SIK2: variants seen among roughly 807,000 people sequenced by gnomAD.
SIK2 encodes serine/threonine-protein kinase SIK2.
Under a neutral mutation model 103.2 loss-of-function variants are expected in SIK2, and 29 were observed. The ratio of observed to expected loss-of-function variants is 0.28; its 90% confidence interval spans 0.21 to 0.38. The LOEUF is 0.38. SIK2 is among the 10% of genes least tolerant of loss of function. The pLI is 1.00. For synonymous variants in SIK2, 412 were observed against 446.1 expected (o/e 0.92, Z 0.96); for missense variants, 879 against 1,171.0 (o/e 0.75, Z 3.64).
chr11:111,643,001 T>C (rs1220026154), intron 3 of SIK2, among the ~76,000 whole-genome samples: 1 of 152,192 alleles, frequency 6.6e-6, no homozygotes, highest in African/African-American at 2.4e-5. Context: ...TATAGCTCAG[T>C]TCAGATTTCA....
chr11:111,636,352 A>G lies in SIK2; in HGVS notation c.316+15950A>G, dbSNP rs141748450. 1.2e-4 allele frequency among the ~76,000 whole-genome samples: 19 copies of G among 152,330 alleles called. 1 individual carries two copies. Among genetic ancestry groups the G allele is most frequent in the African/African-American group, 4.6e-4 (19 of 41,582 alleles). On this transcript the variant is annotated intron_variant, in intron 3 of 14. Transcript: ENST00000304987. ...ATATGTGAATAGTCTAATTATTGCTACTGCTCCATTACCCACTTTTGTAAA... is the reference window on the plus strand; with the variant it reads ...ATATGTGAATAGTCTAATTATTGCTGCTGCTCCATTACCCACTTTTGTAAA...
intron 3 of SIK2, among the ~76,000 whole-genome samples, chr11:111,646,603 C>T (rs1229048270): frequency 6.6e-6 from 1 of 152,190 alleles, no homozygotes; most frequent in Non-Finnish European, 1.5e-5. Flanking sequence ...CCTGCCTGCT[C>T]CTTCTTATCC....
chr11:111,696,150 A>T (rs1943065772), intron 4 of SIK2, among the ~76,000 whole-genome samples: 1 of 152,224 alleles, frequency 6.6e-6, no homozygotes, highest in Non-Finnish European at 1.5e-5. Flanking sequence ...TAAATATTTC[A>T]GGCCATATAG....
At chr11:111,617,761 A>G (rs1418920579) in intron 2 of SIK2, among the ~76,000 whole-genome samples, 2 of 152,094 alleles carry the variant, frequency 1.3e-5, no homozygotes, top group South Asian at 2.1e-4. Context: ...TATAATGTAC[A>G]TAATATTTAT....
chr11:111,686,986 G>C (rs539547614), intron 3 of SIK2, among the ~76,000 whole-genome samples: 1 of 152,286 alleles, frequency 6.6e-6, no homozygotes, highest in East Asian at 1.9e-4. Context: ...CATGAAAACA[G>C]TGTTTCAGAA....
intron 4 of SIK2, among the ~76,000 whole-genome samples, chr11:111,690,689 C>T (rs978148733): frequency 7.3e-5 from 11 of 151,616 alleles, no homozygotes; most frequent in Admixed American, 5.9e-4. Flanking sequence ...TCAACTCCCA[C>T]TTATGAGTGA....
At chr11:111,712,521 A>G (rs1179466318) in intron 9 of SIK2, 146 bp downstream of exon 9, 3 of 817,896 alleles carry the variant, frequency 3.7e-6, no homozygotes, top group Non-Finnish European at 3.7e-6. Context: ...AAACCTTAGA[A>G]CAGTGTCCAG....
chr11:111,649,222 A>T (rs1331882010), intron 3 of SIK2, among the ~76,000 whole-genome samples: 1 of 152,056 alleles, frequency 6.6e-6, no homozygotes, highest in Admixed American at 6.6e-5. Context: ...TGATCCTTGC[A>T]CATATTCCAT....
At chr11:111,671,639 T>A (rs1942629526) in intron 3 of SIK2, 2 of 358,994 alleles carry the variant, frequency 5.6e-6, no homozygotes, top group Non-Finnish European at 1.1e-5. Flanking sequence ...GAGCAGCTGT[T>A]GTCCATGGAC....
chr11:111,674,070 TTA>T (rs1942665428), intron 3 of SIK2, among the ~76,000 whole-genome samples: 1 of 13,490 alleles, frequency 7.4e-5, no homozygotes, highest in Non-Finnish European at 5.5e-4. Flanking sequence ...CAAGACTCCA[TTA>T]AAAAAAAAAA....
Position 111,723,580 on chromosome 11 carries a change from C to T in SIK2, c.2232C>T (p.Tyr744=), listed in dbSNP as rs1943867806. ...FNQMQIAESS[Y]PQPSQQLPLP... ...AGATGCAGATAGCAGAGAGCTCCTA[C>T]CCACAGCCAAGTCAGCAGCTGCCCC... Residue 744 remains tyrosine, a synonymous_variant, in exon 15 of 15, where the codon TAC becomes TAT. Coordinates refer to ENST00000304987, the MANE Select transcript of SIK2 (RefSeq NM_015191.3). The T allele has an allele frequency of 6.2e-7, 1 of 1,614,224 alleles. No homozygotes were observed. Among genetic ancestry groups the T allele is most frequent in the Non-Finnish European group, 8.5e-7 (1 of 1,180,044 alleles).
At chr11:111,709,482 G>A (rs1943439309) in intron 8 of SIK2, among the ~76,000 whole-genome samples, 1 of 152,188 alleles carries the variant, frequency 6.6e-6, no homozygotes, top group Non-Finnish European at 1.5e-5. Context: ...AATGGTTCTG[G>A]AGAGCACAAA....
At chr11:111,699,245 A>G (rs1205474877) in intron 4 of SIK2, among the ~76,000 whole-genome samples, 3 of 152,182 alleles carry the variant, frequency 2.0e-5, no homozygotes, top group Admixed American at 6.5e-5. Flanking sequence ...CACCAGGTTT[A>G]GACTGTATCT....
At chr11:111,664,717 C>A (rs1296394912) in intron 3 of SIK2, among the ~76,000 whole-genome samples, 1 of 139,372 alleles carries the variant, frequency 7.2e-6, no homozygotes, top group South Asian at 2.5e-4. Flanking sequence ...CACCTCTACA[C>A]CCCTCCCATT....
chr11:111,685,891 T>G (rs991730531), intron 3 of SIK2, among the ~76,000 whole-genome samples: 1 of 152,076 alleles, frequency 6.6e-6, no homozygotes, highest in Non-Finnish European at 1.5e-5. Flanking sequence ...ATGGTTAGGA[T>G]TTCAACAGGA....
At chr11:111,612,991 A>G (rs1941750423) in intron 1 of SIK2, among the ~76,000 whole-genome samples, 1 of 148,954 alleles carries the variant, frequency 6.7e-6, no homozygotes, top group Non-Finnish European at 1.5e-5. Context: ...GTGACCCAAG[A>G]TAAAATTGAA....
intron 8 of SIK2, among the ~76,000 whole-genome samples, chr11:111,706,343 C>T (rs1214525910): frequency 6.6e-6 from 1 of 152,142 alleles, no homozygotes; most frequent in Non-Finnish European, 1.5e-5. Flanking sequence ...GGCATTAACT[C>T]AGTTGCTCAG....
rs1943914276 is a variant in SIK2, at chr11:111,724,681, A to G, written c.*552A>G. The G allele has an allele frequency of 1.3e-5, 2 of 156,344 alleles. No homozygotes were observed. The highest frequency in any genetic ancestry group is 2.4e-5 in the African/African-American group (1 of 41,466). 9.7% of individuals were successfully genotyped at this position (156,344 alleles called of 1,614,324 possible). On this transcript the variant is annotated 3_prime_UTR_variant, in exon 15 of 15. Transcript: ENST00000304987. ...TAGCTGCTGATGCAAGTTGTCCCCC[A>G]AGGCCATCACAAAGCAGTGGGGCAT... is the stretch of plus-strand genomic sequence containing the variant.
chr11:111,625,180 C>T (rs1028624351), intron 3 of SIK2, among the ~76,000 whole-genome samples: 2 of 152,082 alleles, frequency 1.3e-5, no homozygotes, highest in South Asian at 4.1e-4. Context: ...GAACCATTTT[C>T]GGCTGGATTT....
Sources: allele counts gnomAD v4.1 joint callset (sites outside exome capture counted in the v4.1 genomes callset), GRCh38; gene constraint gnomAD v4.1.1; transcripts MANE v1.5; gene names NCBI Gene and HGNC (gene_info 2026-07-23, HGNC 2026-07-21).